Variants in FNIP2 observed in about 807,000 individuals in gnomAD.
FNIP2 encodes the protein folliculin interacting protein 2, also known as folliculin-interacting protein 2.
FNIP2 carries 32 observed loss-of-function variants against 108.7 expected under a neutral mutation model. The ratio of observed to expected loss-of-function variants is 0.29; its 90% CI spans 0.22 to 0.40. FNIP2 has a LOEUF of 0.40. Ranked by LOEUF, FNIP2 falls within the 10% of genes least tolerant of loss-of-function variation. The pLI is 1.00. For missense variants in FNIP2, 1,202 were observed against 1,381.6 expected (o/e 0.87, Z 2.06); for synonymous variants, 480 against 496.7 (o/e 0.97, Z 0.45).
At chr4:158,843,970 A>G (rs564054052) in intron 7 of FNIP2, among the ~76,000 whole-genome samples, 208 of 152,336 alleles carry the variant, frequency 1.4e-3, no homozygotes, top group Non-Finnish European at 2.5e-3. Flanking sequence ...ACAAAGTCTG[A>G]GGGTGCTGCC....
At chr4:158,897,938 C>G (rs1213635838) in intron 16 of FNIP2, among the ~76,000 whole-genome samples, 1 of 152,144 alleles carries the variant, frequency 6.6e-6, no homozygotes, top group African/African-American at 2.4e-5. Flanking sequence ...ATGGTATTGC[C>G]TAGGTTTTCT....
At chr4:158,887,760 C>CAAAA (rs1782097709) in intron 14 of FNIP2, among the ~76,000 whole-genome samples, 1 of 116,352 alleles carries the variant, frequency 8.6e-6, no homozygotes, top group Non-Finnish European at 1.9e-5. Flanking sequence ...AAAAAAAACC[C>CAAAA]AAGAGGAATG....
intron 1 of FNIP2, among the ~76,000 whole-genome samples, chr4:158,779,737 C>CTT (rs34598926): frequency 8.1e-4 from 108 of 133,364 alleles, no homozygotes; most frequent in Non-Finnish European, 1.1e-3. Flanking sequence ...CCATACCCAC[C>CTT]TTTTTTTTTT....
intron 14 of FNIP2, among the ~76,000 whole-genome samples, chr4:158,885,164 T>TA (rs1486105559): frequency 6.6e-6 from 1 of 151,452 alleles, no homozygotes; most frequent in East Asian, 1.9e-4. Flanking sequence ...TCAAAAAAAA[T>TA]AAAAAAATCA....
At chr4:158,870,842 G>A (rs571909971) in intron 14 of FNIP2, among the ~76,000 whole-genome samples, 1 of 152,382 alleles carries the variant, frequency 6.6e-6, no homozygotes, top group South Asian at 2.1e-4. Flanking sequence ...GAAAGCCAGA[G>A]AGCAGGGGCA....
At chr4:158,903,640 T>G (rs913835633) in intron 16 of FNIP2, among the ~76,000 whole-genome samples, 6 of 152,184 alleles carry the variant, frequency 3.9e-5, no homozygotes, top group Admixed American at 6.5e-5. Flanking sequence ...CCAGTAGCAC[T>G]AAAAGTACTA....
chr4:158,857,335 G>A (rs1379187547), intron 8 of FNIP2, among the ~76,000 whole-genome samples: 1 of 152,214 alleles, frequency 6.6e-6, no homozygotes, highest in African/African-American at 2.4e-5. Flanking sequence ...AACTACTGTA[G>A]TGCAAGAAAA....
intron 7 of FNIP2, among the ~76,000 whole-genome samples, chr4:158,848,036 G>A (rs943413591): frequency 2.0e-5 from 3 of 152,208 alleles, no homozygotes; most frequent in African/African-American, 7.2e-5. Context: ...TTGGCTCACA[G>A]CATCTCTGGA....
rs747007201 is a variant in FNIP2 at position 158,868,605 on chromosome 4, G to T, written c.1969G>T (p.Ala657Ser). 2 of 1,613,772 alleles carry T rather than the reference G, an allele frequency of 1.2e-6. No homozygotes were observed. Among genetic ancestry groups the T allele is most frequent in the East Asian group, 2.2e-5 (1 of 44,874 alleles). The change falls in exon 13 of 17, where the codon GCA becomes TCA. Residue 657 changes from alanine to serine, a missense_variant. Ala to Ser is a moderately conservative substitution (Grantham distance 99). Coordinates refer to ENST00000264433, the MANE Select transcript of FNIP2 (RefSeq NM_020840.3). This position sits in a 1 kb window ranked among gnomAD's most constrained non-coding sequence, Gnocchi z 4.6. ...AFCGDEKNKE[A>S]PQDGSSRLPS... ...TTGTGGGGATGAGAAAAATAAAGAG[G>T]CACCGCAAGATGGCTCTTCAAGACT...
intron 7 of FNIP2, among the ~76,000 whole-genome samples, chr4:158,847,598 GCA>G (rs1167605135): frequency 6.6e-6 from 1 of 152,186 alleles, no homozygotes; most frequent in Non-Finnish European, 1.5e-5. Context: ...ACATGACCTA[GCA>G]CAGTCACTGC....
intron 1 of FNIP2, among the ~76,000 whole-genome samples, chr4:158,778,786 A>G (rs1304763999): frequency 6.6e-6 from 1 of 152,208 alleles, no homozygotes; most frequent in Non-Finnish European, 1.5e-5. Context: ...ATAAGAGGGC[A>G]CTACTGTAAT....
chr4:158,806,541 A>G (rs915835095), intron 1 of FNIP2: 17 of 639,566 alleles, frequency 2.7e-5, no homozygotes, highest in Non-Finnish European at 3.5e-5. Context: ...GCTTCTAAGT[A>G]GGAGAAATGG....
At chr4:158,789,319 GTA>G (rs1026440481) in intron 1 of FNIP2, among the ~76,000 whole-genome samples, 115 of 66,544 alleles carry the variant, frequency 1.7e-3, no homozygotes, top group Admixed American at 3.1e-3. Context: ...GTGTGTGTGT[GTA>G]TGTGTGTGTG....
In FNIP2 at chr4:158,868,606, C is replaced by G. The variant is rs374889035; in HGVS notation, c.1970C>G (p.Ala657Gly). 74 of 1,613,666 alleles carry G rather than the reference C, an allele frequency of 4.6e-5. No homozygotes were observed. Among genetic ancestry groups the G allele is most frequent in the Middle Eastern group, 1.6e-4 (1 of 6,084 alleles). The part of the protein sequence containing the change: ...AFCGDEKNKE[A>G]PQDGSSRLPS... Reference sequence around the variant, plus strand: ...TGTGGGGATGAGAAAAATAAAGAGGCACCGCAAGATGGCTCTTCAAGACTT... The same window carrying G: ...TGTGGGGATGAGAAAAATAAAGAGGGACCGCAAGATGGCTCTTCAAGACTT... The change falls in exon 13 of 17, where the codon GCA becomes GGA. Residue 657 changes from alanine to glycine, a missense_variant. By Grantham distance (60) the Ala-to-Gly change is moderately conservative (BLOSUM62 0). Coordinates refer to ENST00000264433, the MANE Select transcript of FNIP2 (RefSeq NM_020840.3). This position sits in a 1 kb window ranked among gnomAD's most constrained non-coding sequence, Gnocchi z 4.6.
chr4:158,861,799 C>T (rs1398337977), intron 12 of FNIP2, 23 bp downstream of exon 12: 2 of 1,613,016 alleles, frequency 1.2e-6, no homozygotes, highest in African/African-American at 1.3e-5. Context: ...TTTGACTATT[C>T]AGAGAATATA....
intron 10 of FNIP2, among the ~76,000 whole-genome samples, chr4:158,860,634 G>A (rs1364807939): frequency 1.3e-5 from 2 of 150,330 alleles, no homozygotes; most frequent in South Asian, 2.1e-4. Context: ...ACTGGCTTGC[G>A]CTTGAGAATC....
intron 1 of FNIP2, among the ~76,000 whole-genome samples, chr4:158,782,130 T>TAG (rs1776071240): frequency 6.6e-6 from 1 of 152,132 alleles, no homozygotes; most frequent in African/African-American, 2.4e-5. Context: ...AAATGGCAAG[T>TAG]AGCTTGTCTT....
Position 158,831,955 on chromosome 4 carries a change from A to G in FNIP2, c.476A>G (p.Tyr159Cys). ...SYKGSTLKIH[Y>C]IRSPPQLMIS... is the part of the protein sequence containing the mutation. ...AAAGGCTCCACCTTAAAGATACACTACATACGGTGAGTCTGGGCTTCCTTT... is the reference window on the plus strand; with the variant it reads ...AAAGGCTCCACCTTAAAGATACACTGCATACGGTGAGTCTGGGCTTCCTTT... The change falls in exon 4 of 17, where the codon TAC becomes TGC. Residue 159 changes from tyrosine to cysteine, a missense_variant. Tyr to Cys is a radical substitution (Grantham distance 194, BLOSUM62 -2). This residue lies in a region of FNIP2 where 878 missense variants were observed against 990.3 expected (regional missense o/e 0.89). Coordinates refer to ENST00000264433, the MANE Select transcript of FNIP2 (RefSeq NM_020840.3). 5 of 1,609,300 alleles carry G rather than the reference A, an allele frequency of 3.1e-6. No homozygotes were observed. The highest frequency in any genetic ancestry group is 1.1e-5 in the South Asian group (1 of 90,314).
intron 1 of FNIP2, among the ~76,000 whole-genome samples, chr4:158,774,300 C>T (rs1775791243): frequency 6.6e-6 from 1 of 152,028 alleles, no homozygotes; most frequent in African/African-American, 2.4e-5. Context: ...GTGTTTTATT[C>T]TTGTTGGTAT....
Sources: allele counts gnomAD v4.1 joint callset (sites outside exome capture counted in the v4.1 genomes callset), GRCh38; gene constraint gnomAD v4.1.1; regional missense constraint gnomAD v4.1.1; non-coding constraint Gnocchi (gnomAD v3.1); transcripts MANE v1.5; gene names NCBI Gene and HGNC (gene_info 2026-07-23, HGNC 2026-07-21).